Variants in KIAA1328 observed in about 807,000 individuals in gnomAD.
KIAA1328 encodes protein hinderin.
Under a neutral mutation model 68.1 loss-of-function variants are expected in KIAA1328, and 52 were observed. That is an observed-to-expected ratio of 0.76 (90% CI 0.61 to 0.96). KIAA1328 has a LOEUF of 0.96. Among genes scored for constraint, KIAA1328 ranks in the 40% least tolerant of loss-of-function variants. The pLI is 0.00. For synonymous variants in KIAA1328, 232 were observed against 239.4 expected (o/e 0.97, Z 0.28); for missense variants, 641 against 677.6 (o/e 0.95, Z 0.60).
At chr18:36,915,387 A>G (rs1024717740) in intron 5 of KIAA1328, among the ~76,000 whole-genome samples, 1 of 10,838 alleles carries the variant, frequency 9.2e-5, no homozygotes, top group Admixed American at 1.3e-3. Context: ...GAGAATGGGG[A>G]AAAAAACTAT....
At chr18:36,897,530 G>T (rs1427874468) in intron 5 of KIAA1328, among the ~76,000 whole-genome samples, 1 of 152,054 alleles carries the variant, frequency 6.6e-6, no homozygotes, top group Non-Finnish European at 1.5e-5. Context: ...AGAAATGGAG[G>T]TTGGATATAG....
At chr18:37,159,491 C>T (rs1445046965) in intron 7 of KIAA1328, among the ~76,000 whole-genome samples, 4 of 152,004 alleles carry the variant, frequency 2.6e-5, no homozygotes, top group Non-Finnish European at 5.9e-5. Context: ...TGTGAACAAA[C>T]ACGAAGAGGG....
chr18:37,038,138 C>T (rs2055102508), intron 6 of KIAA1328, among the ~76,000 whole-genome samples: 1 of 151,864 alleles, frequency 6.6e-6, no homozygotes, highest in Non-Finnish European at 1.5e-5. Flanking sequence ...AGATGGCTGC[C>T]ATGTCAAACA....
intron 6 of KIAA1328, among the ~76,000 whole-genome samples, chr18:37,033,514 C>G (rs930880723): frequency 3.9e-5 from 6 of 152,152 alleles, no homozygotes; most frequent in Non-Finnish European, 8.8e-5. Context: ...TCAGTAAGAT[C>G]GAGTGTCCTG....
chr18:36,940,640 G>T (rs1448544813), intron 5 of KIAA1328, among the ~76,000 whole-genome samples: 2 of 150,532 alleles, frequency 1.3e-5, no homozygotes, highest in African/African-American at 2.4e-5. Context: ...ATAATAAGCT[G>T]CATTCATCAT....
intron 6 of KIAA1328, among the ~76,000 whole-genome samples, chr18:36,968,494 A>T (rs2052035720): frequency 6.6e-6 from 1 of 152,048 alleles, no homozygotes; most frequent in African/African-American, 2.4e-5. Context: ...ACAGACTTTA[A>T]ACATCTTGCC....
chr18:37,069,307 T>G (rs2056450815), intron 7 of KIAA1328, among the ~76,000 whole-genome samples: 2 of 150,716 alleles, frequency 1.3e-5, no homozygotes, highest in Non-Finnish European at 2.9e-5. Context: ...TCACCCAGGC[T>G]GGAGTGCAGT....
At chr18:37,181,421 G>A (rs1599529071) in intron 9 of KIAA1328, among the ~76,000 whole-genome samples, 1 of 151,932 alleles carries the variant, frequency 6.6e-6, no homozygotes, top group African/African-American at 2.4e-5. Context: ...AAGAACAATA[G>A]AATGCATGGA....
intron 5 of KIAA1328, among the ~76,000 whole-genome samples, chr18:36,886,742 T>A (rs539624294): frequency 1.3e-5 from 2 of 152,308 alleles, no homozygotes; most frequent in East Asian, 3.9e-4. Context: ...CCACCATTGT[T>A]TTTATTGGCG....
In KIAA1328 at chr18:37,224,123, T is replaced by C. The variant is rs2060609309; in HGVS notation, c.*1896T>C. On this transcript the variant is annotated 3_prime_UTR_variant, in exon 10 of 10. Coordinates refer to ENST00000280020, the MANE Select transcript of KIAA1328 (RefSeq NM_020776.3). ...TAAAGTTAGGTTGCCAGAACTTTCTTTTCCTTGCCCCCTGTGTCATGACTA... is the reference window on the plus strand; with the variant it reads ...TAAAGTTAGGTTGCCAGAACTTTCTCTTCCTTGCCCCCTGTGTCATGACTA... 2.0e-6 allele frequency: 2 copies of C among 985,280 alleles called. No individual in the cohort carries two copies. The highest frequency in any genetic ancestry group is 4.7e-5 in the South Asian group (1 of 21,292). The allele number at this position is 985,280 out of a possible 1,614,324, so 61.0% of individuals were successfully genotyped here. A position where few individuals can be genotyped will look rare whatever the true frequency, so the allele number is the denominator to read the frequency against.
At chr18:36,932,233 A>AT (rs1286789160) in intron 5 of KIAA1328, among the ~76,000 whole-genome samples, 1 of 152,028 alleles carries the variant, frequency 6.6e-6, no homozygotes, top group Non-Finnish European at 1.5e-5. Context: ...ATTTTATTTT[A>AT]TTTTTATTGG....
chr18:37,048,534 A>G (rs2055567237), intron 6 of KIAA1328, among the ~76,000 whole-genome samples: 2 of 152,150 alleles, frequency 1.3e-5, no homozygotes, highest in South Asian at 4.1e-4. Context: ...TTTTTTAGTC[A>G]TCCAATACAA....
At position 37,114,574 on chromosome 18, in the gene KIAA1328, A is replaced by G. The variant is rs777180389; in HGVS notation, c.1233-45626A>G. Among the ~76,000 whole-genome samples, 5 of 152,354 alleles carry G rather than the reference A, an allele frequency of 3.3e-5. No homozygotes were observed. The South Asian group carries it at 1.0e-3, about 32-fold the overall frequency. Reference sequence around the variant, plus strand: ...AGAAAGCAGGAAAGATCTAAAACTGACAACCTAAGATGACAGTTAAAAGAA... The same window carrying G: ...AGAAAGCAGGAAAGATCTAAAACTGGCAACCTAAGATGACAGTTAAAAGAA... On this transcript the variant is annotated intron_variant, in intron 7 of 9. Coordinates refer to ENST00000280020, the MANE Select transcript of KIAA1328 (RefSeq NM_020776.3).
At chr18:37,151,925 T>C (rs181474057) in intron 7 of KIAA1328, among the ~76,000 whole-genome samples, 1 of 151,990 alleles carries the variant, frequency 6.6e-6, no homozygotes, top group East Asian at 1.9e-4. Context: ...TTGAGCAGAA[T>C]GAGAAGGAGG....
At chr18:37,036,438 G>C in intron 6 of KIAA1328, among the ~76,000 whole-genome samples, 1 of 152,240 alleles carries the variant, frequency 6.6e-6, no homozygotes, top group East Asian at 1.9e-4. Context: ...AGTTGTGCCA[G>C]TCTTCCTAGG....
In KIAA1328 at chr18:37,133,982, A is replaced by G. The variant is rs182674231; in HGVS notation, c.1233-26218A>G. ...TCATTTATCATGCTATAGAGCAGCA[A>G]TTCTCAAGCATTGTGATCTCAGGAC... is the stretch of plus-strand genomic sequence containing the variant. On this transcript the variant is annotated intron_variant, in intron 7 of 9. Coordinates refer to ENST00000280020, the MANE Select transcript of KIAA1328 (RefSeq NM_020776.3). 5.3e-4 allele frequency among the ~76,000 whole-genome samples: 80 copies of G among 151,672 alleles called. No individual in the cohort carries two copies. In the East Asian group the frequency reaches 0.015, roughly 28 times the overall value.
intron 6 of KIAA1328, among the ~76,000 whole-genome samples, chr18:37,052,614 G>C (rs2055743982): frequency 6.6e-6 from 1 of 151,424 alleles, no homozygotes; most frequent in Non-Finnish European, 1.5e-5. Flanking sequence ...TCTCCAAAAG[G>C]CTTCTAGAAT....
At position 36,948,526 on chromosome 18, in the gene KIAA1328, C is replaced by A. The variant is rs539938277; in HGVS notation, c.449-10782C>A. 1.3e-4 allele frequency among the ~76,000 whole-genome samples: 19 copies of A among 150,352 alleles called. No homozygotes were observed. In the South Asian group the frequency reaches 3.6e-3, roughly 28 times the overall value. On this transcript the variant is annotated intron_variant, in intron 5 of 9. Transcript: ENST00000280020. ...CCTCCCACCTCGGCCTCCAAAAGTGCTGGGATTACAGGCATTAGCCACCAC... is the reference window on the plus strand; with the variant it reads ...CCTCCCACCTCGGCCTCCAAAAGTGATGGGATTACAGGCATTAGCCACCAC...
At chr18:37,076,446 A>AT (rs1171704120) in intron 7 of KIAA1328, among the ~76,000 whole-genome samples, 2 of 151,866 alleles carry the variant, frequency 1.3e-5, no homozygotes, top group Admixed American at 1.3e-4. Context: ...GAGCAAACAC[A>AT]TTCAAAAGCT....
Sources: allele counts gnomAD v4.1 joint callset (sites outside exome capture counted in the v4.1 genomes callset), GRCh38; gene constraint gnomAD v4.1.1; transcripts MANE v1.5; gene names NCBI Gene and HGNC (gene_info 2026-07-23, HGNC 2026-07-21).